Variants in MTREX observed in about 807,000 individuals in gnomAD.
MTREX encodes the protein Mtr4 exosome RNA helicase.
In MTREX, 76 loss-of-function variants were observed where a neutral mutation model predicts 135.4. The ratio of observed to expected loss-of-function variants is 0.56; its 90% CI spans 0.47 to 0.68. The LOEUF (loss-of-function observed/expected upper bound fraction) is 0.68, where lower values mean the gene tolerates loss of function less well. Ranked by LOEUF, MTREX falls within the 30% of genes least tolerant of loss-of-function variation. MTREX has a pLI of 0.00. For missense variants in MTREX, 920 were observed against 1,262.1 expected, an observed-to-expected ratio of 0.73 and a Z score of 4.11; for synonymous variants, 404 against 401.6, an observed-to-expected ratio of 1.01 and a Z score of -0.07.
At chr5:55,397,013 C>G (rs1177694538) in intron 19 of MTREX, among the ~76,000 whole-genome samples, 1 of 152,190 alleles carries the variant, frequency 6.6e-6, no homozygotes, top group East Asian at 1.9e-4. Context: ...TTCTGCCCAT[C>G]CAGAACTTAC....
chr5:55,331,067 C>T (rs983360194), intron 5 of MTREX, among the ~76,000 whole-genome samples: 1 of 151,810 alleles, frequency 6.6e-6, no homozygotes, highest in African/African-American at 2.4e-5. Flanking sequence ...TTTTACTTAA[C>T]GTGCTGTTTA....
chr5:55,419,557 A>C (rs1242781778), intron 25 of MTREX, among the ~76,000 whole-genome samples: 1 of 152,244 alleles, frequency 6.6e-6, no homozygotes, highest in Non-Finnish European at 1.5e-5. Flanking sequence ...ACTAAATTTG[A>C]ATGACAGTTT....
rs200483018 is a variant in MTREX at position 55,315,540 on chromosome 5, G to GACA, written c.135-6773_135-6771dup. On this transcript the variant is annotated intron_variant, in intron 1 of 26. Transcript: ENST00000230640. ...ATTATTATATATATTTTTCGAGACAGACAACAACAACAACAAAAACCCATA... is the reference window on the plus strand; with the variant it reads ...ATTATTATATATATTTTTCGAGACAGACAACAACAACAACAACAAAAACCCATA... 2.2e-4 allele frequency among the ~76,000 whole-genome samples: 33 copies of GACA among 151,954 alleles called. No homozygotes were observed. The South Asian group carries it at 4.1e-3, about 19-fold the overall frequency.
At position 55,414,044 on chromosome 5, in the gene MTREX, C is replaced by A. The variant is rs1456557093; in HGVS notation, c.2752-138C>A. The A allele has an allele frequency of 7.3e-6, 4 of 544,408 alleles. No individual in the cohort carries two copies. The East Asian group carries it at 1.3e-4, about 17-fold the overall frequency. 33.7% of individuals were successfully genotyped at this position (544,408 alleles called of 1,614,324 possible). On this transcript the variant is annotated intron_variant, in intron 23 of 26. Transcript: ENST00000230640. ...CTGTGTAAACTGAATTGATTAGAAA[C>A]TCTAAATGCTGATGACTAAGGTCTT... is the stretch of plus-strand genomic sequence containing the variant.
intron 16 of MTREX, among the ~76,000 whole-genome samples, chr5:55,373,172 G>A (rs547213455): frequency 1.0e-5 from 1 of 98,880 alleles, no homozygotes; most frequent in Non-Finnish European, 2.2e-5. Flanking sequence ...AATTTTTTTT[G>A]ACTTACTTTG....
rs1325842447 is a variant in MTREX, at chr5:55,416,018, A to G, written c.2857A>G (p.Ile953Val). 1 of 1,599,542 alleles carries G rather than the reference A, an allele frequency of 6.3e-7. No individual in the cohort carries two copies. The highest frequency in any genetic ancestry group is 1.1e-5 in the South Asian group (1 of 87,704). Residue 953 changes from isoleucine to valine, a missense_variant, in exon 25 of 27, where the codon ATT becomes GTT. Around this residue, in one of 6 missense-constraint regions of MTREX, gnomAD observed 467 missense variants for 589.7 expected, o/e 0.79. Transcript: ENST00000230640. The part of the protein sequence containing the change: ...AKVSAEAKLE[I>V]DEETYLSSFK... Reference sequence around the variant, plus strand: ...AGTTTCAGCAGAAGCCAAATTGGAAATTGATGAGGAAACTTATCTAAGCTC... The same window carrying G: ...AGTTTCAGCAGAAGCCAAATTGGAAGTTGATGAGGAAACTTATCTAAGCTC...
At chr5:55,386,750 C>T (rs1561205119) in intron 18 of MTREX, among the ~76,000 whole-genome samples, 3 of 152,104 alleles carry the variant, frequency 2.0e-5, no homozygotes, top group South Asian at 2.1e-4. Context: ...AAAGATTGCT[C>T]ATACGCCTGT....
intron 21 of MTREX, among the ~76,000 whole-genome samples, chr5:55,404,303 T>C (rs1223442218): frequency 6.6e-6 from 1 of 152,230 alleles, no homozygotes; most frequent in Admixed American, 6.5e-5. Flanking sequence ...TCAGAAAATA[T>C]GTAATATTTA....
chr5:55,317,003 TAAGAG>T (rs773930217), intron 1 of MTREX, among the ~76,000 whole-genome samples: 5 of 152,002 alleles, frequency 3.3e-5, no homozygotes, highest in African/African-American at 4.8e-5. Flanking sequence ...GAGAGCCAGA[TAAGAG>T]AAGCAATCTC....
At chr5:55,347,177 A>T in intron 11 of MTREX, 33 bp downstream of exon 11, 1 of 1,558,806 alleles carries the variant, frequency 6.4e-7, no homozygotes, top group Non-Finnish European at 8.7e-7. Context: ...TTTTAATGTT[A>T]TGTGAAAATG....
intron 22 of MTREX, among the ~76,000 whole-genome samples, chr5:55,410,068 T>A (rs1035525501): frequency 6.6e-6 from 1 of 152,072 alleles, no homozygotes; most frequent in African/African-American, 2.4e-5. Context: ...ATAAAAACTT[T>A]AAAAAATTAA....
At chr5:55,380,866 G>T (rs993203129) in intron 18 of MTREX, among the ~76,000 whole-genome samples, 2 of 152,118 alleles carry the variant, frequency 1.3e-5, no homozygotes, top group Non-Finnish European at 2.9e-5. Flanking sequence ...TTTGGAAGAG[G>T]TTTTGAAGAA....
At chr5:55,329,474 A>C (rs1749434918) in intron 5 of MTREX, 2 of 151,882 alleles carry the variant, frequency 1.3e-5, no homozygotes, top group African/African-American at 4.8e-5. Context: ...ATGCCTGGCC[A>C]TGTTTTTGAT....
chr5:55,351,651 G>A (rs1749830360), intron 13 of MTREX, among the ~76,000 whole-genome samples: 1 of 152,074 alleles, frequency 6.6e-6, no homozygotes, highest in Admixed American at 6.6e-5. Context: ...CAGAATAAAA[G>A]GATTAGTTTA....
chr5:55,383,045 A>G (rs1043302896), intron 18 of MTREX, among the ~76,000 whole-genome samples: 1 of 152,154 alleles, frequency 6.6e-6, no homozygotes, highest in Non-Finnish European at 1.5e-5. Flanking sequence ...GTTCCTGTGG[A>G]TTCATGTTAC....
chr5:55,404,815 T>G (rs961251082), intron 21 of MTREX, among the ~76,000 whole-genome samples: 1 of 151,756 alleles, frequency 6.6e-6, no homozygotes, highest in African/African-American at 2.4e-5. Context: ...TTTTTCTTTT[T>G]TTTTTTTAAG....
chr5:55,332,691 A>T (rs996568738), intron 5 of MTREX, among the ~76,000 whole-genome samples: 2 of 152,188 alleles, frequency 1.3e-5, no homozygotes, highest in African/African-American at 4.8e-5. Context: ...ATTCCCTCCC[A>T]AGATAATGTA....
intron 5 of MTREX, among the ~76,000 whole-genome samples, chr5:55,339,433 T>G (rs948290968): frequency 6.6e-6 from 1 of 152,158 alleles, no homozygotes; most frequent in Non-Finnish European, 1.5e-5. Context: ...ATAAGGAGGA[T>G]CTACTACAAT....
At chr5:55,364,508 G>A (rs1459386521) in intron 15 of MTREX, among the ~76,000 whole-genome samples, 1 of 152,166 alleles carries the variant, frequency 6.6e-6, no homozygotes, top group Non-Finnish European at 1.5e-5. Flanking sequence ...GTACCTACAG[G>A]GACTTTAAGT....
Sources: allele counts gnomAD v4.1 joint callset (sites outside exome capture counted in the v4.1 genomes callset), GRCh38; gene constraint gnomAD v4.1.1; regional missense constraint gnomAD v4.1.1; transcripts MANE v1.5; gene names NCBI Gene and HGNC (gene_info 2026-07-23, HGNC 2026-07-21).